ARHGAP15: variants seen among roughly 807,000 people sequenced by gnomAD.
ARHGAP15 encodes Rho GTPase activating protein 15, also known as rho GTPase-activating protein 15.
In ARHGAP15, 51 loss-of-function variants were observed where a neutral mutation model predicts 63.7. That is an observed-to-expected ratio of 0.80 (90% CI 0.64 to 1.01). The LOEUF is 1.01. ARHGAP15 is among the 50% of genes least tolerant of loss of function. The pLI, the probability that ARHGAP15 is intolerant of heterozygous loss-of-function variation, is 0.00. For missense variants in ARHGAP15, 560 were observed against 564.6 expected (o/e 0.99, Z 0.08); for synonymous variants, 191 against 193.8 (o/e 0.99, Z 0.12).
chr2:143,325,834 A>G (rs1461632449), intron 6 of ARHGAP15, among the ~76,000 whole-genome samples: 1 of 152,196 alleles, frequency 6.6e-6, no homozygotes, highest in African/African-American at 2.4e-5. Flanking sequence ...CACTTATTCA[A>G]TGAAAGTTTA....
chr2:143,581,541 T>C (rs1391094290), intron 11 of ARHGAP15, among the ~76,000 whole-genome samples: 1 of 152,158 alleles, frequency 6.6e-6, no homozygotes, highest in African/African-American at 2.4e-5. Flanking sequence ...TATCCATGCA[T>C]TTGCCATAGC....
At chr2:143,601,041 A>C (rs971437979) in intron 11 of ARHGAP15, among the ~76,000 whole-genome samples, 3 of 152,152 alleles carry the variant, frequency 2.0e-5, no homozygotes, top group African/African-American at 4.8e-5. Context: ...CTCTGTCCTA[A>C]AGCAATATGG....
chr2:143,548,917 AAAC>A (rs1431751365), intron 10 of ARHGAP15, among the ~76,000 whole-genome samples: 1 of 152,118 alleles, frequency 6.6e-6, no homozygotes, highest in Admixed American at 6.6e-5. Context: ...GAGAAAACTA[AAAC>A]AACTTCAGGT....
chr2:143,243,306 C>T (rs900578398), intron 5 of ARHGAP15, among the ~76,000 whole-genome samples: 1 of 151,952 alleles, frequency 6.6e-6, no homozygotes, highest in Admixed American at 6.6e-5. Context: ...TGAAGATAGA[C>T]GAAGAGAATA....
intron 6 of ARHGAP15, among the ~76,000 whole-genome samples, chr2:143,400,877 T>C (rs976246267): frequency 6.6e-6 from 1 of 152,058 alleles, no homozygotes; most frequent in Non-Finnish European, 1.5e-5. Context: ...CTTATTGATT[T>C]TTGAGTACAT....
At chr2:143,601,661 A>G (rs1412222077) in intron 11 of ARHGAP15, 1 of 151,940 alleles carries the variant, frequency 6.6e-6, no homozygotes, top group African/African-American at 2.4e-5. Context: ...ATGATGCAGG[A>G]TTTAGTTTTC....
intron 13 of ARHGAP15, among the ~76,000 whole-genome samples, chr2:143,750,233 A>C (rs906602783): frequency 6.6e-6 from 1 of 152,218 alleles, no homozygotes; most frequent in East Asian, 1.9e-4. Context: ...TGAGGTCAGG[A>C]GTTCGAGACC....
At chr2:143,461,400 T>C (rs989276329) in intron 8 of ARHGAP15, among the ~76,000 whole-genome samples, 2 of 151,674 alleles carry the variant, frequency 1.3e-5, no homozygotes, top group Non-Finnish European at 2.9e-5. Context: ...TGAACACAAC[T>C]GTGGGGTAGT....
At position 143,200,149 on chromosome 2, in the gene ARHGAP15, C is replaced by T. The variant is rs1018983353; in HGVS notation, c.166-1985C>T. On this transcript the variant is annotated intron_variant, in intron 2 of 13. Coordinates refer to ENST00000295095, the MANE Select transcript of ARHGAP15 (RefSeq NM_018460.4). ...CTTCCCTCAAAGTCAAGACAGTCCC[C>T]GGCTCTCCTTTCTGAAATTCCCCAT... is the stretch of plus-strand genomic sequence containing the variant. Among the ~76,000 whole-genome samples, 18 of 152,146 alleles carry T rather than the reference C, an allele frequency of 1.2e-4. 1 individual carries two copies. The highest frequency in any genetic ancestry group is 8.5e-4 in the Admixed American group (13 of 15,264).
intron 12 of ARHGAP15, among the ~76,000 whole-genome samples, chr2:143,693,676 C>G (rs1263930317): frequency 6.6e-6 from 1 of 152,140 alleles, no homozygotes; most frequent in African/African-American, 2.4e-5. Context: ...CTTTTAATAT[C>G]TTTATTTCTT....
At chr2:143,200,701 A>G (rs1692078685) in intron 2 of ARHGAP15, among the ~76,000 whole-genome samples, 1 of 151,958 alleles carries the variant, frequency 6.6e-6, no homozygotes, top group Non-Finnish European at 1.5e-5. Context: ...TTTATGTTTT[A>G]TTGTAGAATC....
At chr2:143,611,947 C>G (rs1188256789) in intron 11 of ARHGAP15, among the ~76,000 whole-genome samples, 1 of 152,118 alleles carries the variant, frequency 6.6e-6, no homozygotes, top group Non-Finnish European at 1.5e-5. Context: ...TTAGTTCTGG[C>G]CTTCATGGTA....
chr2:143,761,512 TAAAA>T (rs762338661), intron 13 of ARHGAP15, among the ~76,000 whole-genome samples: 1 of 147,578 alleles, frequency 6.8e-6, no homozygotes, highest in Admixed American at 6.7e-5. Context: ...AGCACAAACT[TAAAA>T]GAAAGTTCAC....
At chr2:143,557,598 G>C (rs1226966473) in intron 11 of ARHGAP15, among the ~76,000 whole-genome samples, 3 of 151,996 alleles carry the variant, frequency 2.0e-5, no homozygotes, top group Admixed American at 6.6e-5. Context: ...AACACAAAGA[G>C]TGAATCCTCA....
In ARHGAP15 at chr2:143,346,924, G is replaced by T. The variant is rs753098823; in HGVS notation, c.475-88677G>T. On this transcript the variant is annotated intron_variant, in intron 6 of 13. Transcript: ENST00000295095. ...TCCACAGGGAGAATTCTGCAGGCTT[G>T]CTATGATCTCTACAATTTGCTTCAG... 5.4e-4 allele frequency among the ~76,000 whole-genome samples: 82 copies of T among 152,156 alleles called. 1 individual carries two copies. The highest frequency in any genetic ancestry group is 8.4e-4 in the Non-Finnish European group (57 of 68,006).
intron 1 of ARHGAP15, among the ~76,000 whole-genome samples, chr2:143,130,019 T>C (rs1688857798): frequency 6.6e-6 from 1 of 152,142 alleles, no homozygotes; most frequent in South Asian, 2.1e-4. Flanking sequence ...TCATGACACT[T>C]GAAATTTTTT....
chr2:143,456,811 T>C (rs928108547), intron 8 of ARHGAP15, among the ~76,000 whole-genome samples: 1 of 125,468 alleles, frequency 8.0e-6, no homozygotes, highest in Non-Finnish European at 1.6e-5. Flanking sequence ...GTAATTATGT[T>C]ATTAAATTGT....
At chr2:143,348,943 T>C (rs888554695) in intron 6 of ARHGAP15, among the ~76,000 whole-genome samples, 1 of 152,154 alleles carries the variant, frequency 6.6e-6, no homozygotes, top group Non-Finnish European at 1.5e-5. Context: ...GCCTCCTGAT[T>C]ATGATGTTTA....
At chr2:143,759,228 G>A (rs1448504378) in intron 13 of ARHGAP15, among the ~76,000 whole-genome samples, 1 of 152,024 alleles carries the variant, frequency 6.6e-6, no homozygotes. Flanking sequence ...CTCCTAAATG[G>A]GGAACCACTG....
Sources: allele counts gnomAD v4.1 joint callset (sites outside exome capture counted in the v4.1 genomes callset), GRCh38; gene constraint gnomAD v4.1.1; transcripts MANE v1.5; gene names NCBI Gene and HGNC (gene_info 2026-07-23, HGNC 2026-07-21).